Variants in TMEM132D observed in about 807,000 individuals in gnomAD.
TMEM132D encodes the protein transmembrane protein 132D, also known as mature OL transmembrane protein.
A neutral mutation model predicts 62.3 loss-of-function variants in TMEM132D; 21 were observed. The ratio of observed to expected loss-of-function variants is 0.34; its 90% confidence interval spans 0.24 to 0.49. TMEM132D has a LOEUF of 0.49. TMEM132D is among the 20% of genes least tolerant of loss of function. TMEM132D has a pLI of 0.99. For synonymous variants in TMEM132D, 621 were observed against 575.6 expected (o/e 1.08, Z -1.13); for missense variants, 1,346 against 1,402.8 (o/e 0.96, Z 0.65).
rs1193131472 is a variant in TMEM132D, at chr12:129,415,242, C to A, written c.1116-77425G>T. ...TTCTAGTTTTAATTTTGGAGGTAAC[C>A]TACCTACCATTTTCTGTAATGCCTG... is the stretch of plus-strand genomic sequence containing the variant. On this transcript the variant is annotated intron_variant, in intron 3 of 8. Coordinates refer to ENST00000422113, the MANE Select transcript of TMEM132D (RefSeq NM_133448.3). Among the ~76,000 whole-genome samples the A allele has an allele frequency of 2.0e-5, 3 of 152,120 alleles. No homozygotes were observed. The South Asian group carries it at 6.2e-4, about 32-fold the overall frequency.
At chr12:129,411,509 T>C (rs975747333) in intron 3 of TMEM132D, among the ~76,000 whole-genome samples, 4 of 152,074 alleles carry the variant, frequency 2.6e-5, no homozygotes, top group Non-Finnish European at 5.9e-5. Flanking sequence ...GCTGGGACCA[T>C]GCCCAGCTAA....
At chr12:129,297,701 A>G (rs1050450661) in intron 4 of TMEM132D, among the ~76,000 whole-genome samples, 1 of 152,184 alleles carries the variant, frequency 6.6e-6, no homozygotes, top group Admixed American at 6.5e-5. Flanking sequence ...CCCTGTGAGC[A>G]TCCTGCATCA....
chr12:129,784,329 A>G (rs926153227), intron 1 of TMEM132D, among the ~76,000 whole-genome samples: 1 of 152,158 alleles, frequency 6.6e-6, no homozygotes, highest in South Asian at 2.1e-4. Flanking sequence ...AAAGCAAAAC[A>G]TGTGTCCCAC....
intron 2 of TMEM132D, among the ~76,000 whole-genome samples, chr12:129,541,194 C>T (rs1253080847): frequency 1.3e-5 from 2 of 152,160 alleles, no homozygotes; most frequent in East Asian, 3.9e-4. Flanking sequence ...TCTGAAAAAC[C>T]ATAAAGCCAG....
At chr12:129,265,401 G>A (rs142950960) in intron 4 of TMEM132D, among the ~76,000 whole-genome samples, 3 of 152,290 alleles carry the variant, frequency 2.0e-5, no homozygotes, top group African/African-American at 2.4e-5. Context: ...AATGTGGGGC[G>A]GATCTCCTGG....
At chr12:129,091,247 C>A (rs568575458) in intron 5 of TMEM132D, among the ~76,000 whole-genome samples, 1 of 151,394 alleles carries the variant, frequency 6.6e-6, no homozygotes, top group East Asian at 2.0e-4. Flanking sequence ...GGAGACCCTA[C>A]CTAAGTTCCC....
chr12:129,743,363 C>T (rs901927702), intron 1 of TMEM132D, among the ~76,000 whole-genome samples: 7 of 152,144 alleles, frequency 4.6e-5, no homozygotes, highest in Non-Finnish European at 8.8e-5. Flanking sequence ...TGCTGCTGTT[C>T]GCACGATAGT....
intron 2 of TMEM132D, among the ~76,000 whole-genome samples, chr12:129,555,079 A>C (rs1454356613): frequency 1.3e-5 from 2 of 152,248 alleles, no homozygotes; most frequent in Non-Finnish European, 2.9e-5. Flanking sequence ...TTAGGCTGTC[A>C]GTGAAAACAA....
At chr12:129,770,310 AT>A (rs1237589748) in intron 1 of TMEM132D, among the ~76,000 whole-genome samples, 1 of 151,564 alleles carries the variant, frequency 6.6e-6, no homozygotes, top group Non-Finnish European at 1.5e-5. Context: ...CACCTGGCTA[AT>A]TTTTGTATTT....
intron 4 of TMEM132D, among the ~76,000 whole-genome samples, chr12:129,215,464 C>G (rs1879174993): frequency 6.6e-6 from 1 of 152,136 alleles, no homozygotes; most frequent in South Asian, 2.1e-4. Context: ...TGCACATGTA[C>G]TCCTTAATTT....
At chr12:129,200,419 G>A (rs997022001) in intron 5 of TMEM132D, among the ~76,000 whole-genome samples, 6 of 152,180 alleles carry the variant, frequency 3.9e-5, no homozygotes, top group African/African-American at 1.4e-4. Flanking sequence ...TATGTGGCCA[G>A]TCTGCTCCCT....
At chr12:129,732,214 T>TA (rs1869272439) in intron 1 of TMEM132D, among the ~76,000 whole-genome samples, 1 of 152,152 alleles carries the variant, frequency 6.6e-6, no homozygotes, top group Non-Finnish European at 1.5e-5. Context: ...CTGGTGGTAT[T>TA]ATAAAGAATA....
chr12:129,704,014 CA>C (rs1296365217), intron 1 of TMEM132D, among the ~76,000 whole-genome samples: 1 of 151,808 alleles, frequency 6.6e-6, no homozygotes, highest in Non-Finnish European at 1.5e-5. Flanking sequence ...ACAAGGGACT[CA>C]AATACCTCAC....
intron 3 of TMEM132D, among the ~76,000 whole-genome samples, chr12:129,525,306 T>C (rs192186059): frequency 4.8e-5 from 7 of 145,184 alleles, no homozygotes; most frequent in African/African-American, 1.8e-4. Flanking sequence ...AACAACATCT[T>C]GGTCTGTTGT....
At chr12:129,809,324 A>AT (rs67889726) in intron 1 of TMEM132D, among the ~76,000 whole-genome samples, 29 of 126,264 alleles carry the variant, frequency 2.3e-4, no homozygotes, top group South Asian at 7.9e-4. Flanking sequence ...AAAAAAAAAA[A>AT]TTTTTTTTTG....
intron 1 of TMEM132D, among the ~76,000 whole-genome samples, chr12:129,819,756 A>G (rs552387584): frequency 6.6e-6 from 1 of 152,280 alleles, no homozygotes; most frequent in East Asian, 1.9e-4. Context: ...TCCTAGTACC[A>G]GCACTATGGC....
chr12:129,872,319 A>T (rs1874273346), intron 1 of TMEM132D, among the ~76,000 whole-genome samples: 6 of 152,120 alleles, frequency 3.9e-5, no homozygotes, highest in Admixed American at 3.9e-4. Context: ...CAGTTTACAC[A>T]GGGGGAGGAC....
chr12:129,864,614 C>T (rs538949732), intron 1 of TMEM132D, among the ~76,000 whole-genome samples: 2 of 152,106 alleles, frequency 1.3e-5, no homozygotes, highest in Non-Finnish European at 2.9e-5. Flanking sequence ...AAGCCACTCC[C>T]GAGGACAGCA....
intron 4 of TMEM132D, among the ~76,000 whole-genome samples, chr12:129,315,119 GTTGGATGCCCTTTATTTCTTT>G (rs1389752116): frequency 6.6e-6 from 1 of 152,050 alleles, no homozygotes; most frequent in Non-Finnish European, 1.5e-5. Flanking sequence ...CTTTTTACCA[GTTGGATGCCCTTTATTTCTTT>G]CTCTTGTCTG....
Sources: allele counts gnomAD v4.1 joint callset (sites outside exome capture counted in the v4.1 genomes callset), GRCh38; gene constraint gnomAD v4.1.1; transcripts MANE v1.5; gene names NCBI Gene and HGNC (gene_info 2026-07-23, HGNC 2026-07-21).